The following KIF21B variants were observed in gnomAD, a reference collection of about 807,000 sequenced individuals.
KIF21B encodes kinesin family member 21B, also known as kinesin-like protein KIF21B.
A neutral mutation model predicts 192.9 loss-of-function variants in KIF21B; 85 were observed. The ratio of observed to expected loss-of-function variants is 0.44; its 90% CI spans 0.37 to 0.53. KIF21B has a LOEUF of 0.53. Ranked by LOEUF, KIF21B falls within the 20% of genes least tolerant of loss-of-function variation. The pLI, the probability that KIF21B is intolerant of heterozygous loss-of-function variation, is 0.00. For synonymous variants in KIF21B, 832 were observed against 884.6 expected (o/e 0.94, Z 1.05); for missense variants, 1,716 against 2,194.8 (o/e 0.78, Z 4.36).
rs773291970 is a variant in KIF21B, at chr1:201,009,261, C to T, written c.264+5G>A. ...CCGCCATAGGTGGGCGTGAAGATGGCTTACCTGCCCATAGGCCAGCACCGT... is the reference window on the plus strand; with the variant it reads ...CCGCCATAGGTGGGCGTGAAGATGGTTTACCTGCCCATAGGCCAGCACCGT... On this transcript the variant is annotated splice_donor_5th_base_variant and intron_variant, in intron 2 of 34. Transcript: ENST00000461742. The T allele has an allele frequency of 6.2e-7, 1 of 1,613,436 alleles. No homozygotes were observed. The highest frequency in any genetic ancestry group is 1.7e-5 in the Admixed American group (1 of 59,934).
chr1:200,979,345 G>A (rs548191407), intron 30 of KIF21B, among the ~76,000 whole-genome samples, 190 bp downstream of exon 30: 1 of 152,282 alleles, frequency 6.6e-6, no homozygotes, highest in East Asian at 1.9e-4. Context: ...TGCTGCCCCA[G>A]ACACTGTCTC....
chr1:200,986,961 T>C, intron 25 of KIF21B, 35 bp downstream of exon 25: 2 of 1,612,334 alleles, frequency 1.2e-6, no homozygotes, highest in Admixed American at 1.7e-5. Flanking sequence ...CAACTCCACC[T>C]CCACTCCAAC....
Position 201,010,930 on chromosome 1 carries a change from G to T in KIF21B, c.42-1442C>A, listed in dbSNP as rs547946908. Among the ~76,000 whole-genome samples the T allele has an allele frequency of 2.6e-5, 4 of 152,324 alleles. No homozygotes were observed. In the South Asian group the frequency reaches 8.3e-4, roughly 32 times the overall value. On this transcript the variant is annotated intron_variant, in intron 1 of 34. Transcript: ENST00000461742. ...GAAAGCCCAGCGGGGAGGGGTTGGG[G>T]GTGAGCAACACCAGGCTCAGTTCCT...
At chr1:200,992,453 G>C in intron 15 of KIF21B, 64 bp from the exon 16 acceptor site, 1 of 1,527,774 alleles carries the variant, frequency 6.5e-7, no homozygotes, top group Middle Eastern at 1.9e-4. Flanking sequence ...ACACTCTCCA[G>C]GGAGGGGCCA....
chr1:201,018,921 C>T (rs1289722575), intron 1 of KIF21B, among the ~76,000 whole-genome samples: 1 of 152,160 alleles, frequency 6.6e-6, no homozygotes, highest in Non-Finnish European at 1.5e-5. Context: ...GGTACACTTA[C>T]ATTAGGGCCC....
Position 200,973,413 on chromosome 1 carries a change from C to A in KIF21B, c.*108G>T. On this transcript the variant is annotated 3_prime_UTR_variant, in exon 35 of 35. Transcript: ENST00000461742. ...GAGGAGGGCAGGAGAGGGGGCCACG[C>A]CCTCTGTCCCCAGAGCAGCTGGCCC... The A allele has an allele frequency of 7.6e-7, 1 of 1,309,030 alleles. No homozygotes were observed. The highest frequency in any genetic ancestry group is 9.8e-7 in the Non-Finnish European group (1 of 1,017,048). The allele number at this position is 1,309,030 out of a possible 1,614,324, so 81.1% of individuals were successfully genotyped here.
intron 34 of KIF21B, chr1:200,973,819 GGT>G (rs1557993166): frequency 7.0e-7 from 1 of 1,430,226 alleles, no homozygotes; most frequent in Non-Finnish European, 9.1e-7. Context: ...TTTTTGGGGG[GGT>G]GTTTCGTTTT....
chr1:201,002,878 T>A (rs1340479209), intron 8 of KIF21B: 4 of 156,728 alleles, frequency 2.6e-5, no homozygotes, highest in Admixed American at 1.8e-4. Flanking sequence ...AACTACGTTG[T>A]ATTCTTTTAA....
In KIF21B at chr1:200,990,851, C is replaced by G. The variant is rs1656638202; in HGVS notation, c.2687+66G>C. 1.2e-6 allele frequency: 2 copies of G among 1,603,000 alleles called. No homozygotes were observed. Among genetic ancestry groups the G allele is most frequent in the Non-Finnish European group, 1.7e-6 (2 of 1,171,476 alleles). Reference sequence around the variant, plus strand: ...CCCCAGAGCTTCCCTCTTCCTCACCCTGGCCCTGCCCCATATTCCCACCCC... The same window carrying G: ...CCCCAGAGCTTCCCTCTTCCTCACCGTGGCCCTGCCCCATATTCCCACCCC... On this transcript the variant is annotated intron_variant, in intron 18 of 34. Transcript: ENST00000461742. This position sits in a 1 kb window ranked among gnomAD's most constrained non-coding sequence, Gnocchi z 5.4.
At position 200,998,810 on chromosome 1, in the gene KIF21B, C is replaced by G. The variant is rs1437767947; in HGVS notation, c.1886-235G>C. 2.0e-5 allele frequency among the ~76,000 whole-genome samples: 3 copies of G among 152,288 alleles called. No homozygotes were observed. In the East Asian group the frequency reaches 5.8e-4, roughly 29 times the overall value. ...GGGCTCAGGAGCTGGCAGGGGGGATCTACACGTCCTTCCCAGCCATTCGAG... is the reference window on the plus strand; with the variant it reads ...GGGCTCAGGAGCTGGCAGGGGGGATGTACACGTCCTTCCCAGCCATTCGAG... On this transcript the variant is annotated intron_variant, in intron 13 of 34. Transcript: ENST00000461742. The surrounding 1 kb of genome is among the most constrained non-coding windows in gnomAD (Gnocchi z 4.3).
In KIF21B at chr1:200,988,364, A is replaced by G; in HGVS notation, c.3351-11T>C. On this transcript the variant is annotated splice_polypyrimidine_tract_variant and intron_variant, in intron 23 of 34. Coordinates refer to ENST00000461742, the MANE Select transcript of KIF21B (RefSeq NM_001252102.2). The stretch of plus-strand genomic sequence containing the variant: ...AATGACTGGGAGAAGCTGAGGAAGA[A>G]GCAGAGAGAGTTCAGGATCCTGAGG... The G allele has an allele frequency of 6.2e-7, 1 of 1,614,160 alleles. No individual in the cohort carries two copies. The highest frequency in any genetic ancestry group is 8.5e-7 in the Non-Finnish European group (1 of 1,180,014).
chr1:200,973,527 T>C lies in KIF21B; in HGVS notation c.4866A>G (p.Pro1622=), dbSNP rs988841644. ...WSVRRLPHSG[P]P ...CATCCCTCTGACCTCACTCCTAGGGTGGGCCGCTGTGGGGTAACCGCCGGA... is the reference window on the plus strand; with the variant it reads ...CATCCCTCTGACCTCACTCCTAGGGCGGGCCGCTGTGGGGTAACCGCCGGA... Residue 1622 remains proline (P), a synonymous_variant, in exon 35 of 35, where the codon CCA becomes CCG. Transcript: ENST00000461742. 6.1e-6 allele frequency: 9 copies of C among 1,479,536 alleles called. No homozygotes were observed. In the Admixed American group the frequency reaches 1.6e-4, roughly 27 times the overall value. The allele number at this position is 1,479,536 out of a possible 1,614,324, so 91.7% of individuals were successfully genotyped here.
intron 16 of KIF21B, 119 bp from the exon 17 acceptor site, chr1:200,991,844 C>T: frequency 1.9e-5 from 20 of 1,033,744 alleles, no homozygotes; most frequent in Non-Finnish European, 2.9e-5. Flanking sequence ...TCTCATGCAG[C>T]CAAACTCTTG....
In KIF21B at chr1:200,982,675, A is replaced by G. The variant is rs1391622406; in HGVS notation, c.3842+381T>C. ...CCAGAGCACACCACCGGCACCCCCA[A>G]AAGGAGCAGCCTTCAGCATTTCCCC... On this transcript the variant is annotated intron_variant, in intron 28 of 34. Coordinates refer to ENST00000461742, the MANE Select transcript of KIF21B (RefSeq NM_001252102.2). The surrounding 1 kb of genome is among the most constrained non-coding windows in gnomAD (Gnocchi z 4.7). Among the ~76,000 whole-genome samples, 2 of 152,132 alleles carry G rather than the reference A, an allele frequency of 1.3e-5. No homozygotes were observed. Among genetic ancestry groups the G allele is most frequent in the Non-Finnish European group, 2.9e-5 (2 of 68,014 alleles).
At chr1:201,013,335 C>CA (rs1046999496) in intron 1 of KIF21B, among the ~76,000 whole-genome samples, 11 of 152,204 alleles carry the variant, frequency 7.2e-5, no homozygotes, top group Non-Finnish European at 1.6e-4. Flanking sequence ...CCCATCCCTC[C>CA]AGCAGCCTCT....
At chr1:201,009,053 C>T (rs1349425375) in intron 2 of KIF21B, 102 bp from the exon 3 acceptor site, 31 of 1,369,558 alleles carry the variant, frequency 2.3e-5, no homozygotes, top group African/African-American at 7.2e-5. Context: ...CCTCCCAGCC[C>T]GGTTCCCCTG....
intron 8 of KIF21B, chr1:201,002,896 G>A (rs1296987516): frequency 6.4e-6 from 1 of 156,344 alleles, no homozygotes; most frequent in Non-Finnish European, 1.4e-5. Context: ...TAAAACAAGT[G>A]CAAGCCAAAC....
Position 200,975,048 on chromosome 1 carries a change from A to C in KIF21B, c.4615-135T>G. ...TAGAGCTGCCACACGGGCGGGTGAC[A>C]CTGGTTCCAGGAGCCATGCTGGGGT... is the stretch of plus-strand genomic sequence containing the variant. On this transcript the variant is annotated intron_variant, in intron 33 of 34. Transcript: ENST00000461742. The surrounding 1 kb of genome is among the most constrained non-coding windows in gnomAD (Gnocchi z 4.3). 1.2e-6 allele frequency: 1 copy of C among 853,774 alleles called. No individual in the cohort carries two copies. The highest frequency in any genetic ancestry group is 1.8e-6 in the Non-Finnish European group (1 of 548,516). 52.9% of individuals were successfully genotyped at this position (853,774 alleles called of 1,614,324 possible).
At chr1:201,008,154 C>T (rs1382687208) in intron 3 of KIF21B, among the ~76,000 whole-genome samples, 1 of 152,176 alleles carries the variant, frequency 6.6e-6, no homozygotes, top group Admixed American at 6.6e-5. Flanking sequence ...TCAGCATAGG[C>T]CCAATGGTCA....
Sources: allele counts gnomAD v4.1 joint callset (sites outside exome capture counted in the v4.1 genomes callset), GRCh38; gene constraint gnomAD v4.1.1; non-coding constraint Gnocchi (gnomAD v3.1); transcripts MANE v1.5; gene names NCBI Gene and HGNC (gene_info 2026-07-23, HGNC 2026-07-21).